The following TMEM67 variants were observed in gnomAD, a reference collection of about 807,000 sequenced individuals.
The protein encoded by TMEM67 is transmembrane protein 67.
TMEM67 carries 124 observed loss-of-function variants against 136.6 expected under a neutral mutation model. The ratio of observed to expected loss-of-function variants is 0.91; its 90% CI spans 0.78 to 1.05. The LOEUF (loss-of-function observed/expected upper bound fraction) is 1.05. TMEM67 is among the 50% of genes least tolerant of loss of function. The pLI is 0.00. For missense variants in TMEM67, 1,107 were observed against 1,178.4 expected (o/e 0.94, Z 0.89); for synonymous variants, 364 against 390.5 (o/e 0.93, Z 0.80).
chr8:93,809,094 G>A lies in TMEM67; in HGVS notation c.2594G>A (p.Ser865Asn), dbSNP rs1488967862. 3.7e-6 allele frequency: 6 copies of A among 1,611,832 alleles called. No homozygotes were observed. In the Admixed American group the frequency reaches 6.7e-5, roughly 18 times the overall value. The change falls in exon 25 of 28, where the codon AGT (serine) becomes AAT (asparagine). Residue 865 changes from serine (S) to asparagine (N), a missense_variant. By Grantham distance (46) the Ser-to-Asn change is conservative. This residue lies in a region of TMEM67 where 925 missense variants were observed against 1,002.4 expected (regional missense o/e 0.92). Transcript: ENST00000453321. ...GPARLLSSSA[S>N]TFEQSIKAYH... ...GCTAGACTACTGAGTTCATCAGCAA[G>A]TACTTTTGAGCAGAGTATAAAAGCA...
intron 7 of TMEM67, among the ~76,000 whole-genome samples, chr8:93,776,711 C>G (rs1452760608): frequency 6.6e-6 from 1 of 152,134 alleles, no homozygotes; most frequent in African/African-American, 2.4e-5. Flanking sequence ...TCAGCTTGAT[C>G]GTGTTGGATA....
chr8:93,774,453 C>T (rs1318964893), intron 7 of TMEM67, among the ~76,000 whole-genome samples: 2 of 152,170 alleles, frequency 1.3e-5, no homozygotes, highest in Non-Finnish European at 2.9e-5. Flanking sequence ...TGTTGCTGTG[C>T]TGCACCCATT....
At chr8:93,821,842 A>G (rs147771856), downstream of TMEM67, among the ~76,000 whole-genome samples, 526 of 152,326 alleles carry the variant, frequency 3.5e-3, 3 homozygotes, top group African/African-American at 0.012. Flanking sequence ...TAGTAAACCA[A>G]GATCACACCA....
chr8:93,782,455 C>G lies in TMEM67; in HGVS notation c.1126C>G (p.Gln376Glu), dbSNP rs863225231. 1 of 1,609,276 alleles carries G rather than the reference C, an allele frequency of 6.2e-7. No homozygotes were observed. The change falls in exon 11 of 28, where the codon CAA becomes GAA. Residue 376 changes from glutamine to glutamate, a missense_variant. Gln to Glu is a conservative substitution (Grantham distance 29, BLOSUM62 2). Transcript: ENST00000453321. The stretch of plus-strand genomic sequence containing the variant: ...TTATTCATTTGGAACAACCTACCAA[C>G]AAAATGTAAGTTTGAACGATATTAG... ...AAYSFGTTYQ[Q>E]NCEIPISKIL... is the part of the protein sequence containing the mutation.
chr8:93,800,965 T>A (rs1260297652), intron 21 of TMEM67, among the ~76,000 whole-genome samples: 1 of 151,760 alleles, frequency 6.6e-6, no homozygotes, highest in Admixed American at 6.6e-5. Flanking sequence ...AATAAGTCTT[T>A]TTAGCCTCAG....
chr8:93,771,852 A>G (rs1236821488), intron 6 of TMEM67, among the ~76,000 whole-genome samples: 3 of 152,222 alleles, frequency 2.0e-5, no homozygotes, highest in Non-Finnish European at 4.4e-5. Flanking sequence ...ATATACACAA[A>G]TAGTACCTCA....
chr8:93,819,319 G>A, downstream of TMEM67: 1 of 393,952 alleles, frequency 2.5e-6, no homozygotes, highest in Non-Finnish European at 4.8e-6. Flanking sequence ...GCCAGGAAGA[G>A]GCCCAGATAG....
At chr8:93,770,486 A>G (rs1423537884) in intron 6 of TMEM67, among the ~76,000 whole-genome samples, 1 of 152,274 alleles carries the variant, frequency 6.6e-6, no homozygotes, top group East Asian at 1.9e-4. Flanking sequence ...CTAGGATCCA[A>G]TCAAGGATCT....
intron 20 of TMEM67, among the ~76,000 whole-genome samples, chr8:93,799,218 A>G (rs1341435717): frequency 6.6e-6 from 1 of 152,118 alleles, no homozygotes. Flanking sequence ...ATTTTGTAAT[A>G]TACTGTTTTA....
intron 3 of TMEM67, among the ~76,000 whole-genome samples, chr8:93,761,156 T>C (rs57803852): frequency 0.34 from 51,962 of 151,892 alleles, 9,271 homozygotes; most frequent in East Asian, 0.51. Flanking sequence ...AAAATTAGCC[T>C]GGCATGGTGG....
chr8:93,766,158 C>T (rs977465529), intron 6 of TMEM67, among the ~76,000 whole-genome samples: 1 of 151,960 alleles, frequency 6.6e-6, no homozygotes, highest in Admixed American at 6.6e-5. Context: ...GAGTCTCGCT[C>T]TGTTGCCCAG....
Position 93,786,355 on chromosome 8 carries a change from A to G in TMEM67, c.1412+9A>G. 2 of 1,613,062 alleles carry G rather than the reference A, an allele frequency of 1.2e-6. No individual in the cohort carries two copies. The highest frequency in any genetic ancestry group is 1.7e-6 in the Non-Finnish European group (2 of 1,179,324). Reference sequence around the variant, plus strand: ...ACTCAAATATCACTGAGGTAAACAAATGTCTAATGATATTATTTATGGGAA... The same window carrying G: ...ACTCAAATATCACTGAGGTAAACAAGTGTCTAATGATATTATTTATGGGAA... On this transcript the variant is annotated intron_variant, in intron 13 of 27. Transcript: ENST00000453321.
intron 15 of TMEM67, among the ~76,000 whole-genome samples, chr8:93,792,772 T>C (rs982232887): frequency 6.6e-6 from 1 of 150,876 alleles, no homozygotes; most frequent in Non-Finnish European, 1.5e-5. Flanking sequence ...CTGTGTCCTT[T>C]CTTTTTTTTT....
chr8:93,762,370 T>C (rs1486442562), intron 3 of TMEM67, among the ~76,000 whole-genome samples: 1 of 151,932 alleles, frequency 6.6e-6, no homozygotes, highest in African/African-American at 2.4e-5. Flanking sequence ...TAACAATTTT[T>C]TTTTTTGTGG....
intron 12 of TMEM67, chr8:93,785,959 A>C (rs1036824827): frequency 4.6e-6 from 2 of 436,080 alleles, no homozygotes; most frequent in Non-Finnish European, 8.4e-6. Flanking sequence ...AGTCCCAGCT[A>C]CTCTGGAGGC....
intron 7 of TMEM67, among the ~76,000 whole-genome samples, chr8:93,775,059 T>G (rs1007698363): frequency 1.8e-4 from 27 of 152,232 alleles, no homozygotes; most frequent in Non-Finnish European, 1.5e-5. Context: ...TTAACTGGTG[T>G]GAGATGCTAT....
chr8:93,769,235 A>G (rs1227018594), intron 6 of TMEM67, among the ~76,000 whole-genome samples: 1 of 152,168 alleles, frequency 6.6e-6, no homozygotes, highest in Non-Finnish European at 1.5e-5. Flanking sequence ...CTGCAAGGCA[A>G]CGGCCATAGG....
chr8:93,809,021 A>G lies in TMEM67; in HGVS notation c.2557-36A>G, dbSNP rs552504067. On this transcript the variant is annotated intron_variant, in intron 24 of 27. Coordinates refer to ENST00000453321, the MANE Select transcript of TMEM67 (RefSeq NM_153704.6). ...TTCATGTTTTTTAGATACCAAGAAC[A>G]TAACACTTTGTATTCATTTCTCTTT... 2.0e-6 allele frequency: 3 copies of G among 1,537,830 alleles called. No individual in the cohort carries two copies. In the African/African-American group the frequency reaches 4.1e-5, roughly 21 times the overall value.
intron 6 of TMEM67, among the ~76,000 whole-genome samples, chr8:93,768,844 G>C (rs1002742045): frequency 2.0e-5 from 3 of 151,904 alleles, no homozygotes; most frequent in African/African-American, 7.3e-5. Flanking sequence ...CCATGCAGTT[G>C]ACCCATTATA....
Sources: allele counts gnomAD v4.1 joint callset (sites outside exome capture counted in the v4.1 genomes callset), GRCh38; gene constraint gnomAD v4.1.1; regional missense constraint gnomAD v4.1.1; transcripts MANE v1.5; gene names NCBI Gene and HGNC (gene_info 2026-07-23, HGNC 2026-07-21).